The following SCGN variants were observed in gnomAD, a reference collection of about 807,000 sequenced individuals.
The protein encoded by SCGN is secretagogin.
SCGN carries 30 observed loss-of-function variants against 39.7 expected under a neutral mutation model. That is an observed-to-expected ratio of 0.76 (90% CI 0.57 to 1.03). SCGN has a LOEUF of 1.03. Ranked by LOEUF, SCGN falls within the 50% of genes least tolerant of loss-of-function variation. The pLI is 0.00. For synonymous variants in SCGN, 106 were observed against 114.1 expected (o/e 0.93, Z 0.45); for missense variants, 353 against 349.4 (o/e 1.01, Z -0.08).
At chr6:25,695,362 C>A (rs1409598586) in intron 10 of SCGN, among the ~76,000 whole-genome samples, 1 of 152,124 alleles carries the variant, frequency 6.6e-6, no homozygotes, top group Admixed American at 6.5e-5. Flanking sequence ...TTATCCATCA[C>A]CTGCAAACAT....
intron 10 of SCGN, 124 bp downstream of exon 10, chr6:25,691,248 T>A: frequency 2.9e-6 from 2 of 699,930 alleles, no homozygotes; most frequent in Non-Finnish European, 4.8e-6. Flanking sequence ...TGTAGTTTAT[T>A]TAATAACCTT....
rs376072506 is a variant in SCGN at position 25,661,710 on chromosome 6, G to A, written c.246+66G>A. 438 of 1,041,670 alleles carry A rather than the reference G, an allele frequency of 4.2e-4. 2 individuals carry two copies. The highest frequency in any genetic ancestry group is 3.5e-3 in the African/African-American group (219 of 62,618). The allele number at this position is 1,041,670 out of a possible 1,614,324, so 64.5% of individuals were successfully genotyped here. On this transcript the variant is annotated intron_variant, in intron 3 of 10. Coordinates refer to ENST00000377961, the MANE Select transcript of SCGN (RefSeq NM_006998.4). ...TGACTGTTTTTTTCTTTACTTTATC[G>A]TCTTGGGCTGTAATATTCTTTGAAA...
intron 4 of SCGN, among the ~76,000 whole-genome samples, chr6:25,668,199 T>C (rs1346086244): frequency 2.1e-5 from 3 of 144,726 alleles, no homozygotes; most frequent in Admixed American, 1.4e-4. Context: ...ATTTAGGATC[T>C]AAGAAAAATC....
chr6:25,670,524 G>A (rs1331415032), intron 6 of SCGN, among the ~76,000 whole-genome samples: 1 of 152,186 alleles, frequency 6.6e-6, no homozygotes, highest in East Asian at 1.9e-4. Flanking sequence ...TCCTACCTCT[G>A]CCACTTACTA....
intron 10 of SCGN, among the ~76,000 whole-genome samples, chr6:25,698,314 A>G (rs1358100263): frequency 1.3e-5 from 2 of 152,246 alleles, no homozygotes; most frequent in Admixed American, 1.3e-4. Context: ...GAAGGAAATA[A>G]TTACTATGGT....
chr6:25,681,102 C>T (rs556222824), intron 6 of SCGN, among the ~76,000 whole-genome samples: 1 of 152,306 alleles, frequency 6.6e-6, no homozygotes, highest in East Asian at 1.9e-4. Flanking sequence ...TTTGCCCAAA[C>T]CAATCTGGTC....
intron 10 of SCGN, among the ~76,000 whole-genome samples, chr6:25,700,853 T>G (rs975296886): frequency 6.6e-6 from 1 of 152,208 alleles, no homozygotes; most frequent in African/African-American, 2.4e-5. Context: ...ATGAAATGTG[T>G]CTTCTCTCAT....
intron 2 of SCGN, among the ~76,000 whole-genome samples, chr6:25,654,359 C>T (rs895991697): frequency 2.6e-5 from 4 of 152,222 alleles, no homozygotes; most frequent in Admixed American, 2.6e-4. Context: ...AACAAAAGGG[C>T]TGGCTTCCGC....
At chr6:25,686,755 T>C (rs533535397) in intron 7 of SCGN, among the ~76,000 whole-genome samples, 2 of 152,298 alleles carry the variant, frequency 1.3e-5, no homozygotes, top group Admixed American at 6.5e-5. Flanking sequence ...ATGTCATATC[T>C]AGGAAGCCAT....
chr6:25,682,780 G>A (rs578127349), intron 7 of SCGN, among the ~76,000 whole-genome samples: 17 of 152,312 alleles, frequency 1.1e-4, no homozygotes, highest in Admixed American at 2.6e-4. Flanking sequence ...GTATAGCTGA[G>A]AGAGAGGAAT....
chr6:25,677,743 G>T (rs1759584207), intron 6 of SCGN, among the ~76,000 whole-genome samples: 2 of 152,104 alleles, frequency 1.3e-5, no homozygotes, highest in Admixed American at 6.6e-5. Flanking sequence ...ACTAGAACAG[G>T]CAAGGGAGGG....
At chr6:25,684,747 T>C (rs991852690) in intron 7 of SCGN, among the ~76,000 whole-genome samples, 14 of 152,112 alleles carry the variant, frequency 9.2e-5, no homozygotes, top group African/African-American at 2.7e-4. Context: ...GAGGCAGAGT[T>C]TGCAGTGAGC....
At chr6:25,699,157 T>C (rs1394239620) in intron 10 of SCGN, among the ~76,000 whole-genome samples, 1 of 152,212 alleles carries the variant, frequency 6.6e-6, no homozygotes, top group Admixed American at 6.5e-5. Flanking sequence ...ATAAAACTAC[T>C]CCAGTAATCA....
intron 7 of SCGN, among the ~76,000 whole-genome samples, chr6:25,687,921 A>G (rs1171984850): frequency 6.6e-6 from 1 of 152,182 alleles, no homozygotes; most frequent in Non-Finnish European, 1.5e-5. Context: ...TATCAAATCT[A>G]ATTGTGGATT....
intron 4 of SCGN, among the ~76,000 whole-genome samples, chr6:25,668,226 A>G (rs1759421352): frequency 6.6e-6 from 1 of 152,212 alleles, no homozygotes; most frequent in African/African-American, 2.4e-5. Flanking sequence ...TGAAAAAAAA[A>G]AAAAACTTAC....
At chr6:25,661,449 T>C (rs1760335336) in intron 2 of SCGN, 103 bp from the exon 3 acceptor site, 1 of 814,608 alleles carries the variant, frequency 1.2e-6, no homozygotes, top group Non-Finnish European at 2.0e-6. Flanking sequence ...TTTCCATGTT[T>C]GAAAAACATA....
chr6:25,659,445 C>T (rs370827987), intron 2 of SCGN, among the ~76,000 whole-genome samples: 21 of 152,288 alleles, frequency 1.4e-4, no homozygotes, highest in East Asian at 9.6e-4. Context: ...GATTGTTCTG[C>T]CAGTATTCAG....
Position 25,653,410 on chromosome 6 carries a change from C to T in SCGN, c.111C>T (p.Leu37=). 3.7e-6 allele frequency: 6 copies of T among 1,612,816 alleles called. No individual in the cohort carries two copies. The highest frequency in any genetic ancestry group is 5.1e-6 in the Non-Finnish European group (6 of 1,179,164). The change falls in exon 2 of 11, where the codon CTC becomes CTT. Residue 37 remains leucine, a synonymous_variant. Transcript: ENST00000377961. ...AAGGTTACATAGAAGAGAAGGAACTCGATGCTTTCTTTCTCCACATGTTGA... is the reference window on the plus strand; with the variant it reads ...AAGGTTACATAGAAGAGAAGGAACTTGATGCTTTCTTTCTCCACATGTTGA... The part of the protein sequence containing the change: ...DEKGYIEEKE[L]DAFFLHMLMK...
chr6:25,687,482 C>A (rs1320836688), intron 7 of SCGN, among the ~76,000 whole-genome samples: 1 of 152,040 alleles, frequency 6.6e-6, no homozygotes, highest in Non-Finnish European at 1.5e-5. Flanking sequence ...TTTTGGACTG[C>A]CCATTGTTAA....
Sources: allele counts gnomAD v4.1 joint callset (sites outside exome capture counted in the v4.1 genomes callset), GRCh38; gene constraint gnomAD v4.1.1; transcripts MANE v1.5; gene names NCBI Gene and HGNC (gene_info 2026-07-23, HGNC 2026-07-21).